Variants in KAZN observed in about 807,000 individuals in gnomAD.
KAZN encodes the protein kazrin.
Under a neutral mutation model 87.4 loss-of-function variants are expected in KAZN, and 40 were observed. That is an observed-to-expected ratio of 0.46 (90% CI 0.36 to 0.60). The LOEUF (loss-of-function observed/expected upper bound fraction) is 0.60, where lower values mean the gene tolerates loss of function less well. Ranked by LOEUF, KAZN falls within the 20% of genes least tolerant of loss-of-function variation. The pLI, the probability that KAZN is intolerant of heterozygous loss-of-function variation, is 0.00. For synonymous variants in KAZN, 466 were observed against 458.3 expected, an observed-to-expected ratio of 1.02 and a Z score of -0.22; for missense variants, 898 against 1,073.9, an observed-to-expected ratio of 0.84 and a Z score of 2.29.
intron 1 of KAZN, among the ~76,000 whole-genome samples, chr1:14,940,308 T>A (rs1660906341): frequency 6.6e-6 from 1 of 152,190 alleles, no homozygotes; most frequent in African/African-American, 2.4e-5. Flanking sequence ...CCCCTACAAT[T>A]TTTGATTCGT....
intron 2 of KAZN, among the ~76,000 whole-genome samples, chr1:14,521,925 C>T (rs1671612362): frequency 6.6e-6 from 1 of 152,150 alleles, no homozygotes; most frequent in Admixed American, 6.5e-5. Flanking sequence ...TCGGAGACAT[C>T]AGCACATTTC....
chr1:15,001,214 C>A (rs1436745745), intron 2 of KAZN, among the ~76,000 whole-genome samples: 2 of 151,772 alleles, frequency 1.3e-5, no homozygotes, highest in Non-Finnish European at 2.9e-5. Flanking sequence ...GTAATCCCAG[C>A]ACTTTGGGAG....
intron 2 of KAZN, among the ~76,000 whole-genome samples, chr1:14,294,722 G>A (rs564988056): frequency 1.3e-5 from 2 of 148,748 alleles, no homozygotes; most frequent in South Asian, 4.3e-4. Flanking sequence ...ATCAGGCCAA[G>A]TAGATTTTAA....
intron 1 of KAZN, among the ~76,000 whole-genome samples, chr1:14,082,057 G>A (rs112419405): frequency 6.6e-6 from 1 of 152,134 alleles, no homozygotes; most frequent in Non-Finnish European, 1.5e-5. Context: ...TTACAGGCAT[G>A]AGCCACTATG....
At chr1:14,734,677 T>C (rs1211646326) in intron 1 of KAZN, among the ~76,000 whole-genome samples, 2 of 152,214 alleles carry the variant, frequency 1.3e-5, no homozygotes, top group South Asian at 2.1e-4. Context: ...GTCCACACTT[T>C]GACTAGCAAA....
At chr1:14,711,531 G>A (rs1343289432) in intron 1 of KAZN, among the ~76,000 whole-genome samples, 1 of 152,136 alleles carries the variant, frequency 6.6e-6, no homozygotes, top group East Asian at 1.9e-4. Flanking sequence ...CTTCCTTTGG[G>A]TGGGGTGGGA....
intron 1 of KAZN, among the ~76,000 whole-genome samples, chr1:14,915,749 A>G (rs577570292): frequency 1.3e-5 from 2 of 152,282 alleles, no homozygotes; most frequent in Middle Eastern, 3.4e-3. Flanking sequence ...ATCACCTTGG[A>G]TGAGTCCTTT....
chr1:14,052,193 C>T (rs1642369511), intron 1 of KAZN, among the ~76,000 whole-genome samples: 1 of 152,220 alleles, frequency 6.6e-6, no homozygotes, highest in Non-Finnish European at 1.5e-5. Flanking sequence ...GCTGAGTCCC[C>T]CCAACCCAGC....
intron 2 of KAZN, among the ~76,000 whole-genome samples, chr1:14,313,216 C>T (rs1204989773): frequency 6.6e-6 from 1 of 152,086 alleles, no homozygotes; most frequent in East Asian, 1.9e-4. Flanking sequence ...GGTCCCCACA[C>T]CTCTCCACCA....
At chr1:14,106,205 G>A (rs1239798858) in intron 1 of KAZN, among the ~76,000 whole-genome samples, 1 of 152,154 alleles carries the variant, frequency 6.6e-6, no homozygotes, top group East Asian at 1.9e-4. Context: ...GTATCTGAGG[G>A]TTCTCCAAAG....
intron 2 of KAZN, among the ~76,000 whole-genome samples, chr1:14,413,224 T>C (rs557549900): frequency 9.2e-5 from 14 of 151,842 alleles, no homozygotes; most frequent in South Asian, 4.2e-4. Context: ...TAAGTAGTAC[T>C]GGGGTTGCCA....
intron 1 of KAZN, among the ~76,000 whole-genome samples, chr1:14,799,799 A>T (rs1048071553): frequency 3.3e-5 from 5 of 152,192 alleles, no homozygotes. Context: ...AATTTAATGT[A>T]CAATTTAGTT....
intron 1 of KAZN, among the ~76,000 whole-genome samples, chr1:14,733,476 G>T (rs1310519007): frequency 6.6e-6 from 1 of 152,170 alleles, no homozygotes; most frequent in Non-Finnish European, 1.5e-5. Flanking sequence ...ATTAATGACC[G>T]TGGCAGTGCA....
chr1:13,917,850 T>C (rs923268083), intron 1 of KAZN, among the ~76,000 whole-genome samples: 1 of 150,192 alleles, frequency 6.7e-6, no homozygotes, highest in Non-Finnish European at 1.5e-5. Context: ...CTATTCCACC[T>C]GTGCTCTATA....
intron 1 of KAZN, among the ~76,000 whole-genome samples, chr1:13,904,702 G>A (rs1415193008): frequency 6.6e-6 from 1 of 152,098 alleles, no homozygotes; most frequent in Non-Finnish European, 1.5e-5. Flanking sequence ...CTTTGTCCTG[G>A]AAGCTCTGTA....
At chr1:14,562,563 G>T (rs781549098) in intron 2 of KAZN, among the ~76,000 whole-genome samples, 13 of 152,168 alleles carry the variant, frequency 8.5e-5, no homozygotes, top group Admixed American at 1.3e-4. Context: ...CTTTTCTTCT[G>T]TGAGGTTTTC....
chr1:14,703,680 C>A (rs891427369), intron 1 of KAZN, among the ~76,000 whole-genome samples: 2 of 152,148 alleles, frequency 1.3e-5, no homozygotes, highest in African/African-American at 4.8e-5. Context: ...GAGTTGGAGA[C>A]CAGCCTGGAC....
At chr1:14,656,739 G>A (rs1053510300) in intron 1 of KAZN, among the ~76,000 whole-genome samples, 2 of 152,188 alleles carry the variant, frequency 1.3e-5, no homozygotes, top group African/African-American at 4.8e-5. Context: ...CAGATCTCGT[G>A]AGAGCTCACT....
intron 2 of KAZN, among the ~76,000 whole-genome samples, chr1:14,487,197 C>T (rs945162741): frequency 7.9e-5 from 12 of 152,188 alleles, no homozygotes; most frequent in African/African-American, 2.2e-4. Context: ...TCCTTACCTC[C>T]TGTTTTGTTT....
Sources: allele counts gnomAD v4.1 joint callset (sites outside exome capture counted in the v4.1 genomes callset), GRCh38; gene constraint gnomAD v4.1.1; transcripts MANE v1.5; gene names NCBI Gene and HGNC (gene_info 2026-07-23, HGNC 2026-07-21).